The following GRID2 variants were observed in gnomAD, a reference collection of about 807,000 sequenced individuals.
The protein encoded by GRID2 is glutamate ionotropic receptor delta type subunit 2.
GRID2 carries 33 observed loss-of-function variants against 114.8 expected under a neutral mutation model. That is an observed-to-expected ratio of 0.29 (90% CI 0.22 to 0.38). The LOEUF (loss-of-function observed/expected upper bound fraction) is 0.38, where lower values mean the gene tolerates loss of function less well. Ranked by LOEUF, GRID2 falls within the 10% of genes least tolerant of loss-of-function variation. The probability of loss-of-function intolerance (pLI) is 1.00; values close to 1 mark genes in which losing one functional copy is unlikely to be tolerated. For missense variants in GRID2, 1,184 were observed against 1,257.7 expected (o/e 0.94, Z 0.89); for synonymous variants, 505 against 449.9 (o/e 1.12, Z -1.55).
intron 2 of GRID2, among the ~76,000 whole-genome samples, chr4:92,736,576 T>C (rs1473745370): frequency 6.6e-6 from 1 of 152,172 alleles, no homozygotes; most frequent in Non-Finnish European, 1.5e-5. Context: ...TACAAAAATA[T>C]GCCATTACCA....
intron 11 of GRID2, among the ~76,000 whole-genome samples, chr4:93,490,243 A>G (rs1308448275): frequency 1.3e-5 from 2 of 151,888 alleles, no homozygotes; most frequent in Admixed American, 1.3e-4. Context: ...TCCTTTCAAT[A>G]TTATTTATTT....
intron 2 of GRID2, among the ~76,000 whole-genome samples, chr4:92,653,321 A>ATG (rs1491294985): frequency 6.4e-5 from 9 of 141,062 alleles, no homozygotes; most frequent in Non-Finnish European, 1.4e-4. Context: ...ACACACACAC[A>ATG]TGTGTCTGTG....
chr4:92,648,010 C>G (rs1192734380), intron 2 of GRID2, among the ~76,000 whole-genome samples: 1 of 149,420 alleles, frequency 6.7e-6, no homozygotes, highest in Non-Finnish European at 1.5e-5. Context: ...TACTTTGTAC[C>G]CTGTTAAAAA....
intron 8 of GRID2, among the ~76,000 whole-genome samples, chr4:93,261,490 T>G (rs1448509263): frequency 6.6e-6 from 1 of 151,762 alleles, no homozygotes; most frequent in Non-Finnish European, 1.5e-5. Context: ...AGGCTGGAAT[T>G]GCCAGGGAAA....
intron 2 of GRID2, among the ~76,000 whole-genome samples, chr4:92,915,033 A>G (rs1290558183): frequency 1.3e-5 from 2 of 152,284 alleles, no homozygotes; most frequent in East Asian, 3.9e-4. Context: ...AAGAGTCCCC[A>G]TGAAACTTAC....
At chr4:93,352,178 T>C (rs1461769320) in intron 8 of GRID2, among the ~76,000 whole-genome samples, 1 of 152,046 alleles carries the variant, frequency 6.6e-6, no homozygotes, top group Non-Finnish European at 1.5e-5. Context: ...CCAGGCATTC[T>C]CATCAGAGGG....
intron 2 of GRID2, among the ~76,000 whole-genome samples, chr4:92,889,028 T>A (rs930620487): frequency 2.0e-5 from 3 of 152,184 alleles, no homozygotes; most frequent in Non-Finnish European, 2.9e-5. Flanking sequence ...GTTGTTGTTG[T>A]ACTGAATGCT....
rs1046939237 is a variant in GRID2 at position 92,569,646 on chromosome 4, A to G, written c.89-20485A>G. On this transcript the variant is annotated intron_variant, in intron 1 of 15. Coordinates refer to ENST00000282020, the MANE Select transcript of GRID2 (RefSeq NM_001510.4). ...CCTTGCCAGCATCTGTTGTTTATTG[A>G]CTTTTTAATGTCTATTCTGAGTGGT... Among the ~76,000 whole-genome samples the G allele has an allele frequency of 4.6e-5, 7 of 151,818 alleles. No homozygotes were observed. The East Asian group carries it at 1.4e-3, about 30-fold the overall frequency.
chr4:92,317,894 G>A (rs1346928982), intron 1 of GRID2, among the ~76,000 whole-genome samples: 1 of 152,200 alleles, frequency 6.6e-6, no homozygotes, highest in African/African-American at 2.4e-5. Context: ...CCAGTGATTG[G>A]CTCAGTTGCT....
intron 13 of GRID2, among the ~76,000 whole-genome samples, chr4:93,594,715 G>T (rs566873641): frequency 6.6e-6 from 1 of 152,146 alleles, no homozygotes; most frequent in East Asian, 1.9e-4. Context: ...GACTCCGTGG[G>T]GTAGGACCCT....
intron 2 of GRID2, among the ~76,000 whole-genome samples, chr4:92,735,963 A>G (rs2149327809): frequency 6.6e-6 from 1 of 152,248 alleles, no homozygotes; most frequent in South Asian, 2.1e-4. Context: ...ATGACTGAAG[A>G]AAGGTTCACG....
intron 8 of GRID2, among the ~76,000 whole-genome samples, chr4:93,335,408 T>C (rs1758950275): frequency 1.3e-5 from 2 of 152,108 alleles, no homozygotes; most frequent in Admixed American, 6.5e-5. Context: ...CACACCCAAA[T>C]TGAAGAGACT....
chr4:93,168,469 A>C (rs968944653), intron 4 of GRID2, among the ~76,000 whole-genome samples: 4 of 152,164 alleles, frequency 2.6e-5, no homozygotes, highest in Non-Finnish European at 4.4e-5. Flanking sequence ...TTAGTTAGCC[A>C]GTCAAAAGAA....
intron 14 of GRID2, among the ~76,000 whole-genome samples, chr4:93,764,934 C>G (rs1426122440): frequency 6.6e-6 from 1 of 152,000 alleles, no homozygotes; most frequent in Admixed American, 6.6e-5. Context: ...GTCATACATA[C>G]GCGCACACAC....
At chr4:92,886,911 C>G (rs933259817) in intron 2 of GRID2, among the ~76,000 whole-genome samples, 3 of 152,088 alleles carry the variant, frequency 2.0e-5, no homozygotes, top group Non-Finnish European at 4.4e-5. Context: ...AGGCGTGAGC[C>G]ACCACGACTG....
intron 2 of GRID2, among the ~76,000 whole-genome samples, chr4:92,680,302 CAACTT>C (rs1305216624): frequency 6.6e-6 from 1 of 152,062 alleles, no homozygotes; most frequent in East Asian, 1.9e-4. Flanking sequence ...AAGAACCTAA[CAACTT>C]AATTTTACCA....
At chr4:92,998,906 C>A (rs1007896075) in intron 2 of GRID2, among the ~76,000 whole-genome samples, 3 of 151,692 alleles carry the variant, frequency 2.0e-5, no homozygotes, top group Non-Finnish European at 4.4e-5. Flanking sequence ...AATTTCCCTT[C>A]TAGAATTTAT....
chr4:93,038,800 A>G (rs530194817), intron 2 of GRID2, among the ~76,000 whole-genome samples: 187 of 151,844 alleles, frequency 1.2e-3, no homozygotes, highest in Admixed American at 4.8e-3. Flanking sequence ...CAAAAGAAAA[A>G]AAAAAGGTCA....
chr4:93,369,553 G>A (rs556382236), intron 8 of GRID2, among the ~76,000 whole-genome samples: 33 of 152,224 alleles, frequency 2.2e-4, no homozygotes, highest in African/African-American at 7.9e-4. Flanking sequence ...GCAGTGGACA[G>A]TCATGGCTCA....
Sources: allele counts gnomAD v4.1 joint callset (sites outside exome capture counted in the v4.1 genomes callset), GRCh38; gene constraint gnomAD v4.1.1; transcripts MANE v1.5; gene names NCBI Gene and HGNC (gene_info 2026-07-23, HGNC 2026-07-21).